Variants in MVB12B observed in about 807,000 individuals in gnomAD.
MVB12B encodes the protein multivesicular body subunit 12B.
In MVB12B, 16 loss-of-function variants were observed where a neutral mutation model predicts 41.6. The observed-to-expected ratio is 0.38, with a 90% CI of 0.26 to 0.58. The LOEUF is 0.58. Ranked by LOEUF, MVB12B falls within the 20% of genes least tolerant of loss-of-function variation. MVB12B has a pLI of 0.62. For synonymous variants in MVB12B, 133 were observed against 139.7 expected (o/e 0.95, Z 0.34); for missense variants, 274 against 380.2 (o/e 0.72, Z 2.32).
chr9:126,476,743 G>A (rs1032986845), intron 7 of MVB12B, among the ~76,000 whole-genome samples: 5 of 151,840 alleles, frequency 3.3e-5, no homozygotes, highest in Admixed American at 3.3e-4. Flanking sequence ...CGGGCATGGT[G>A]GCGGGTGCCT....
At chr9:126,378,706 TC>T (rs1830555391) in intron 2 of MVB12B, among the ~76,000 whole-genome samples, 1 of 151,856 alleles carries the variant, frequency 6.6e-6, no homozygotes, top group Non-Finnish European at 1.5e-5. Context: ...TTTACACACT[TC>T]CACGTCATTG....
In MVB12B at chr9:126,376,627, G is replaced by C. The variant is rs983267436; in HGVS notation, c.205-4437G>C. On this transcript the variant is annotated intron_variant, in intron 2 of 9. Coordinates refer to ENST00000361171, the MANE Select transcript of MVB12B (RefSeq NM_033446.3). The surrounding 1 kb of genome is among the most constrained non-coding windows in gnomAD (Gnocchi z 4.1). ...GGGAGGCGGCTGGAAGCAAGAAGGA[G>C]GGTAAGCGCGGGTGGCAGGGAGGGG... 1 of 1,289,314 alleles carries C rather than the reference G, an allele frequency of 7.8e-7. No individual in the cohort carries two copies. Among genetic ancestry groups the C allele is most frequent in the Non-Finnish European group, 1.0e-6 (1 of 988,806 alleles). The allele number at this position is 1,289,314 out of a possible 1,614,324, so 79.9% of individuals were successfully genotyped here.
intron 8 of MVB12B, 56 bp from the exon 9 acceptor site, chr9:126,483,917 G>T: frequency 6.4e-7 from 1 of 1,574,618 alleles, no homozygotes; most frequent in Non-Finnish European, 8.7e-7. Context: ...ATAAAAGTAA[G>T]TGTGGGAGGA....
chr9:126,506,200 C>T lies in MVB12B; in HGVS notation c.*2937C>T, dbSNP rs1016917539. On this transcript the variant is annotated 3_prime_UTR_variant, in exon 10 of 10. Coordinates refer to ENST00000361171, the MANE Select transcript of MVB12B (RefSeq NM_033446.3). ...GGGGTCACGTAAAGGAATTGCAGGT[C>T]GGTGAGAGGACAAGAGGGACTCCCA... is the stretch of plus-strand genomic sequence containing the variant. 2.0e-5 allele frequency: 3 copies of T among 152,612 alleles called. No homozygotes were observed. Among genetic ancestry groups the T allele is most frequent in the Non-Finnish European group, 4.4e-5 (3 of 68,068 alleles). The allele number at this position is 152,612 out of a possible 1,614,324, so 9.5% of individuals were successfully genotyped here. A position where few individuals can be genotyped will look rare whatever the true frequency, so the allele number is the denominator to read the frequency against.
chr9:126,348,469 T>C (rs1166232195), intron 2 of MVB12B, among the ~76,000 whole-genome samples: 4 of 152,226 alleles, frequency 2.6e-5, no homozygotes, highest in African/African-American at 9.6e-5. Flanking sequence ...AGCACCTGGT[T>C]GCAGAGGAGC....
intron 7 of MVB12B, among the ~76,000 whole-genome samples, chr9:126,441,212 C>A (rs544855497): frequency 2.0e-5 from 3 of 152,334 alleles, no homozygotes; most frequent in Admixed American, 6.5e-5. Flanking sequence ...TGTGGCTGAA[C>A]CATTAAGACA....
intron 2 of MVB12B, among the ~76,000 whole-genome samples, chr9:126,366,592 G>T (rs1394768993): frequency 6.6e-6 from 1 of 152,132 alleles, no homozygotes; most frequent in Non-Finnish European, 1.5e-5. Context: ...TATTTTTGCA[G>T]TATTTTCTTA....
At chr9:126,380,584 C>G (rs180841611) in intron 2 of MVB12B, among the ~76,000 whole-genome samples, 1 of 152,186 alleles carries the variant, frequency 6.6e-6, no homozygotes, top group Non-Finnish European at 1.5e-5. Flanking sequence ...CCTCCCTGCC[C>G]CAGCCTCCAG....
At chr9:126,450,247 G>A (rs1014551476) in intron 7 of MVB12B, among the ~76,000 whole-genome samples, 3 of 152,278 alleles carry the variant, frequency 2.0e-5, no homozygotes, top group South Asian at 2.1e-4. Flanking sequence ...CCAGGTGGGC[G>A]GTGGGCAAGC....
Position 126,446,408 on chromosome 9 carries a change from T to C in MVB12B, c.757+24460T>C, listed in dbSNP as rs1256283843. On this transcript the variant is annotated intron_variant, in intron 7 of 9. Transcript: ENST00000361171. The stretch of plus-strand genomic sequence containing the variant: ...ATTTATATAAGTAAGATTAGGCTTT[T>C]TGCTTATCAAAATGTAATTTTTGTG... Among the ~76,000 whole-genome samples the C allele has an allele frequency of 2.6e-5, 4 of 151,922 alleles. No individual in the cohort carries two copies. In the East Asian group the frequency reaches 7.7e-4, roughly 29 times the overall value.
intron 7 of MVB12B, among the ~76,000 whole-genome samples, chr9:126,463,274 C>T (rs555570301): frequency 6.6e-6 from 1 of 152,336 alleles, no homozygotes; most frequent in Admixed American, 6.5e-5. Context: ...CATCCTCTCA[C>T]ATGCACCATG....
At chr9:126,464,819 T>G (rs1833165135) in intron 7 of MVB12B, among the ~76,000 whole-genome samples, 1 of 152,206 alleles carries the variant, frequency 6.6e-6, no homozygotes, top group African/African-American at 2.4e-5. Flanking sequence ...TGACCAGCTT[T>G]GCGGCCCTGA....
chr9:126,388,496 C>T (rs1465518756), intron 4 of MVB12B, among the ~76,000 whole-genome samples: 1 of 152,144 alleles, frequency 6.6e-6, no homozygotes, highest in Non-Finnish European at 1.5e-5. Flanking sequence ...CTGCTATGAA[C>T]ATTCATGTAC....
chr9:126,386,175 C>T lies in MVB12B; in HGVS notation c.313-387C>T, dbSNP rs570145583. ...TAGGTTTAGATGCAGCTCTTTCCTA[C>T]GAGTGCCTCAGGAATTTGCTCTTCC... On this transcript the variant is annotated intron_variant, in intron 3 of 9. Transcript: ENST00000361171. This position sits in a 1 kb window ranked among gnomAD's most constrained non-coding sequence, Gnocchi z 4.3. Among the ~76,000 whole-genome samples, 10 of 152,318 alleles carry T rather than the reference C, an allele frequency of 6.6e-5. No homozygotes were observed. Among genetic ancestry groups the T allele is most frequent in the East Asian group, 1.9e-4 (1 of 5,184 alleles).
chr9:126,361,013 G>C (rs570166387), intron 2 of MVB12B, among the ~76,000 whole-genome samples: 3 of 152,194 alleles, frequency 2.0e-5, no homozygotes, highest in South Asian at 4.1e-4. Flanking sequence ...TATCTAGTCT[G>C]ACAATTTCTT....
At chr9:126,497,142 C>T (rs1419303284) in intron 9 of MVB12B, among the ~76,000 whole-genome samples, 2 of 152,170 alleles carry the variant, frequency 1.3e-5, no homozygotes, top group African/African-American at 4.8e-5. Flanking sequence ...CAGGCTTCTG[C>T]TTCTGGAGCT....
In MVB12B at chr9:126,419,329, T is replaced by G. The variant is rs1831928142; in HGVS notation, c.663-2525T>G. The stretch of plus-strand genomic sequence containing the variant: ...AGTTATAGCACCTACCCTGGATCCT[T>G]TTAGTCACACACACAAAGCCCTGTG... On this transcript the variant is annotated intron_variant, in intron 6 of 9. Transcript: ENST00000361171. 2.6e-5 allele frequency among the ~76,000 whole-genome samples: 4 copies of G among 152,192 alleles called. 1 individual carries two copies. The South Asian group carries it at 8.3e-4, about 32-fold the overall frequency.
In MVB12B at chr9:126,459,884, T is replaced by C. The variant is rs1328011837; in HGVS notation, c.758-21485T>C. On this transcript the variant is annotated intron_variant, in intron 7 of 9. Transcript: ENST00000361171. The surrounding 1 kb of genome is among the most constrained non-coding windows in gnomAD (Gnocchi z 4.3). ...GAGAAAGGGCTCCGGGGCTCAGTAA[T>C]GGTTTTCACAGGCGGGTTTCATGAG... Among the ~76,000 whole-genome samples the C allele has an allele frequency of 5.3e-5, 8 of 152,154 alleles. No homozygotes were observed. The highest frequency in any genetic ancestry group is 1.0e-4 in the Non-Finnish European group (7 of 68,016).
chr9:126,421,440 A>G (rs943336546), intron 6 of MVB12B, among the ~76,000 whole-genome samples: 2 of 152,212 alleles, frequency 1.3e-5, no homozygotes, highest in Admixed American at 6.5e-5. Context: ...CCTGCGGTGT[A>G]GGAATGGAAG....
Sources: allele counts gnomAD v4.1 joint callset (sites outside exome capture counted in the v4.1 genomes callset), GRCh38; gene constraint gnomAD v4.1.1; non-coding constraint Gnocchi (gnomAD v3.1); transcripts MANE v1.5; gene names NCBI Gene and HGNC (gene_info 2026-07-23, HGNC 2026-07-21).